The following FAM184B variants were observed in gnomAD, a reference collection of about 807,000 sequenced individuals.
FAM184B encodes the protein protein FAM184B.
FAM184B carries 111 observed loss-of-function variants against 135.9 expected under a neutral mutation model. The ratio of observed to expected loss-of-function variants is 0.82; its 90% CI spans 0.70 to 0.96. The LOEUF is 0.96. Among genes scored for constraint, FAM184B ranks in the 40% least tolerant of loss-of-function variants. The pLI, the probability that FAM184B is intolerant of heterozygous loss-of-function variation, is 0.00. For synonymous variants in FAM184B, 552 were observed against 524.8 expected (o/e 1.05, Z -0.71); for missense variants, 1,375 against 1,323.9 (o/e 1.04, Z -0.60).
At position 17,742,845 on chromosome 4, in the gene FAM184B, AG is replaced by A. The variant is rs1329548867; in HGVS notation, c.142-33202del. The stretch of plus-strand genomic sequence containing the variant: ...ACACCAGACAAGAACCCAGGTGCCA[AG>A]AGGGCAAGAACCTGGGTGCCAAGAG... On this transcript the variant is annotated intron_variant, in intron 1 of 17. Transcript: ENST00000265018. Among the ~76,000 whole-genome samples, 4 of 152,210 alleles carry A rather than the reference AG, an allele frequency of 2.6e-5. 1 individual carries two copies. Among genetic ancestry groups the A allele is most frequent in the African/African-American group, 9.6e-5 (4 of 41,464 alleles).
chr4:17,697,425 A>G (rs1355014089), intron 5 of FAM184B, among the ~76,000 whole-genome samples: 1 of 152,072 alleles, frequency 6.6e-6, no homozygotes, highest in Admixed American at 6.6e-5. Flanking sequence ...AACCCTGGAT[A>G]TTTAGCATGT....
intron 1 of FAM184B, among the ~76,000 whole-genome samples, chr4:17,757,386 C>T (rs1211310607): frequency 1.3e-5 from 2 of 152,040 alleles, no homozygotes; most frequent in African/African-American, 4.8e-5. Context: ...AACTGTAAAA[C>T]TTTTATGAGA....
chr4:17,671,575 G>T (rs1230682702), intron 7 of FAM184B, among the ~76,000 whole-genome samples: 1 of 152,082 alleles, frequency 6.6e-6, no homozygotes, highest in Non-Finnish European at 1.5e-5. Flanking sequence ...TGATTGCTTT[G>T]TCTAATGCAT....
chr4:17,781,366 G>T lies in FAM184B; in HGVS notation c.-67C>A, dbSNP rs982069349. 2.8e-6 allele frequency: 4 copies of T among 1,408,514 alleles called. No individual in the cohort carries two copies. The highest frequency in any genetic ancestry group is 1.8e-4 in the Middle Eastern group (1 of 5,408). 87.3% of individuals were successfully genotyped at this position (1,408,514 alleles called of 1,614,324 possible). On this transcript the variant is annotated 5_prime_UTR_variant, in exon 1 of 18. Coordinates refer to ENST00000265018, the MANE Select transcript of FAM184B (RefSeq NM_015688.2). The surrounding 1 kb of genome is among the most constrained non-coding windows in gnomAD (Gnocchi z 6.5). The stretch of plus-strand genomic sequence containing the variant: ...CTGCCCACCGTGTGCACGTGCGTGC[G>T]CGCGCGGGCGTGCGAGCGTGTGGGT...
intron 5 of FAM184B, among the ~76,000 whole-genome samples, chr4:17,698,550 A>G (rs184347794): frequency 6.6e-6 from 1 of 152,308 alleles, no homozygotes; most frequent in Admixed American, 6.5e-5. Context: ...TGCAGCTGAA[A>G]GAGTCAACCA....
At chr4:17,664,124 T>C (rs1715989300) in intron 8 of FAM184B, among the ~76,000 whole-genome samples, 2 of 152,182 alleles carry the variant, frequency 1.3e-5, no homozygotes, top group African/African-American at 4.8e-5. Context: ...GGGTAGCTCA[T>C]CTATGAGCTA....
intron 1 of FAM184B, among the ~76,000 whole-genome samples, chr4:17,742,168 A>ATATATATATATATTTTT (rs1459958150): frequency 2.7e-5 from 3 of 109,310 alleles, no homozygotes; most frequent in Admixed American, 1.8e-4. Context: ...ATATATATAT[A>ATATATATATATATTTTT]TTTTTTTTTT....
chr4:17,709,218 C>G lies in FAM184B; in HGVS notation c.568G>C (p.Gly190Arg). ...AGCAGGACCTCCTGCATCTCCGGGC[C>G]CTGGCCTGGCTCCGACTTGGTTTCA... ...SPETKSEPGQGPEMQEVLLEV... is the reference protein window; with the variant it reads ...SPETKSEPGQRPEMQEVLLEV... The change falls in exon 2 of 18, where the codon GGC becomes CGC. Residue 190 changes from glycine to arginine, a missense_variant. Transcript: ENST00000265018. The G allele has an allele frequency of 1.9e-6, 3 of 1,547,448 alleles. No homozygotes were observed. The highest frequency in any genetic ancestry group is 2.6e-6 in the Non-Finnish European group (3 of 1,145,594).
intron 1 of FAM184B, among the ~76,000 whole-genome samples, chr4:17,756,386 C>T (rs998728829): frequency 6.6e-6 from 1 of 152,118 alleles, no homozygotes; most frequent in African/African-American, 2.4e-5. Flanking sequence ...TGGATTGAAA[C>T]ATATGAAATA....
At chr4:17,746,325 G>T (rs565105569) in intron 1 of FAM184B, among the ~76,000 whole-genome samples, 1 of 152,240 alleles carries the variant, frequency 6.6e-6, no homozygotes, top group South Asian at 2.1e-4. Context: ...GCAAGATTTC[G>T]TGAAGGACTG....
intron 1 of FAM184B, among the ~76,000 whole-genome samples, chr4:17,713,248 T>G (rs1717326736): frequency 6.6e-6 from 1 of 152,244 alleles, no homozygotes; most frequent in Non-Finnish European, 1.5e-5. Flanking sequence ...GCGATATGAA[T>G]GTGACATCTT....
chr4:17,637,806 G>A (rs573498702), intron 14 of FAM184B, among the ~76,000 whole-genome samples: 20 of 152,290 alleles, frequency 1.3e-4, no homozygotes, highest in South Asian at 1.0e-3. Flanking sequence ...AAATGGTCTT[G>A]CTAGTCACCC....
At chr4:17,731,944 T>A (rs1268288311) in intron 1 of FAM184B, among the ~76,000 whole-genome samples, 2 of 151,972 alleles carry the variant, frequency 1.3e-5, no homozygotes, top group East Asian at 3.9e-4. Flanking sequence ...AGTAAAGCAC[T>A]CCTCAGCAAA....
intron 17 of FAM184B, 43 bp from the exon 18 acceptor site, chr4:17,632,668 T>C (rs1180231631): frequency 5.9e-6 from 8 of 1,349,984 alleles, no homozygotes; most frequent in Middle Eastern, 1.8e-4. Context: ...TTGAAAACTA[T>C]GCAAGAAGCA....
intron 1 of FAM184B, among the ~76,000 whole-genome samples, chr4:17,780,737 C>T (rs1381202021): frequency 3.3e-5 from 5 of 152,058 alleles, no homozygotes; most frequent in Non-Finnish European, 7.4e-5. Context: ...ACAAATGACG[C>T]AAATATTTGT....
At chr4:17,645,008 C>T (rs1377224804) in intron 12 of FAM184B, among the ~76,000 whole-genome samples, 4 of 152,058 alleles carry the variant, frequency 2.6e-5, no homozygotes, top group African/African-American at 7.3e-5. Context: ...AATAAAATAC[C>T]TAGGAATCCA....
chr4:17,730,541 A>T (rs1029111411), intron 1 of FAM184B, among the ~76,000 whole-genome samples: 1 of 152,240 alleles, frequency 6.6e-6, no homozygotes, highest in African/African-American at 2.4e-5. Flanking sequence ...CACAAAGGGA[A>T]GCCCATCAGA....
intron 14 of FAM184B, among the ~76,000 whole-genome samples, chr4:17,637,998 A>T (rs202088683): frequency 1.3e-5 from 2 of 151,616 alleles, no homozygotes; most frequent in Admixed American, 6.6e-5. Context: ...CCTCCCTCTC[A>T]CTGATGCCTC....
At chr4:17,667,640 T>G (rs1477056414) in intron 7 of FAM184B, among the ~76,000 whole-genome samples, 2 of 152,206 alleles carry the variant, frequency 1.3e-5, no homozygotes, top group Admixed American at 1.3e-4. Context: ...AGCCCTTATC[T>G]TCCCCCTGGG....
Sources: gnomAD v4.1 joint callset for allele counts (sites outside exome capture counted in the v4.1 genomes callset) on GRCh38, gnomAD v4.1.1 for gene constraint, Gnocchi (gnomAD v3.1) non-coding constraint, MANE v1.5 for transcripts, NCBI Gene and HGNC (gene_info 2026-07-23, HGNC 2026-07-21) for gene names.